The following SORCS3 variants were observed in gnomAD, a reference collection of about 807,000 sequenced individuals.
SORCS3 encodes the protein VPS10 domain-containing receptor SorCS3.
Under a neutral mutation model 146.3 loss-of-function variants are expected in SORCS3, and 57 were observed. That is an observed-to-expected ratio of 0.39 (90% CI 0.31 to 0.49). The LOEUF is 0.49. SORCS3 is among the 20% of genes least tolerant of loss of function. The probability of loss-of-function intolerance (pLI) is 0.92; values close to 1 mark genes in which losing one functional copy is unlikely to be tolerated. For synonymous variants in SORCS3, 653 were observed against 618.5 expected, an observed-to-expected ratio of 1.06 and a Z score of -0.83; for missense variants, 1,341 against 1,575.5, an observed-to-expected ratio of 0.85 and a Z score of 2.52.
intron 5 of SORCS3, among the ~76,000 whole-genome samples, chr10:105,053,959 C>T (rs1340886953): frequency 6.6e-6 from 1 of 151,990 alleles, no homozygotes; most frequent in African/African-American, 2.4e-5. Flanking sequence ...CACCTGTTTC[C>T]ACTACAACTA....
intron 1 of SORCS3, among the ~76,000 whole-genome samples, chr10:104,804,615 G>A (rs2017661728): frequency 2.0e-5 from 3 of 152,164 alleles, no homozygotes; most frequent in Admixed American, 2.0e-4. Flanking sequence ...CCATCAACCA[G>A]GGCATAGTGC....
intron 11 of SORCS3, among the ~76,000 whole-genome samples, chr10:105,163,523 G>A (rs2056284472): frequency 6.6e-6 from 1 of 152,288 alleles, no homozygotes; most frequent in South Asian, 2.1e-4. Flanking sequence ...CTTTTAGGCT[G>A]TGAGAAGAGG....
intron 3 of SORCS3, among the ~76,000 whole-genome samples, chr10:104,969,885 TA>T (rs1247751069): frequency 1.3e-5 from 2 of 152,178 alleles, no homozygotes; most frequent in East Asian, 1.9e-4. Context: ...GAAACAGAGC[TA>T]GGGGAAGAAA....
At chr10:104,927,595 C>A (rs188135327) in intron 3 of SORCS3, among the ~76,000 whole-genome samples, 14 of 152,238 alleles carry the variant, frequency 9.2e-5, no homozygotes, top group Admixed American at 8.5e-4. Flanking sequence ...AAGAAGACAG[C>A]AAGCTGAGCA....
chr10:104,770,739 C>T (rs1028504047), intron 1 of SORCS3, among the ~76,000 whole-genome samples: 3 of 151,634 alleles, frequency 2.0e-5, no homozygotes, highest in African/African-American at 4.9e-5. Flanking sequence ...AAGCTGAGGC[C>T]GGTGGATGAT....
intron 24 of SORCS3, among the ~76,000 whole-genome samples, chr10:105,256,402 G>T (rs2056931453): frequency 6.6e-6 from 1 of 151,686 alleles, no homozygotes; most frequent in African/African-American, 2.4e-5. Flanking sequence ...CCATCCAGTG[G>T]GTTTTTATCA....
intron 1 of SORCS3, among the ~76,000 whole-genome samples, chr10:104,676,470 A>G (rs1195165643): frequency 6.6e-6 from 1 of 152,256 alleles, no homozygotes; most frequent in African/African-American, 2.4e-5. Flanking sequence ...TAACATGGGT[A>G]AGAACAAGAG....
chr10:104,748,007 T>C (rs1157739159), intron 1 of SORCS3, among the ~76,000 whole-genome samples: 1 of 152,260 alleles, frequency 6.6e-6, no homozygotes, highest in Non-Finnish European at 1.5e-5. Flanking sequence ...GAGGATTAAA[T>C]GAGTTAATGC....
chr10:104,786,587 A>G (rs1292011452), intron 1 of SORCS3, among the ~76,000 whole-genome samples: 1 of 149,694 alleles, frequency 6.7e-6, no homozygotes, highest in African/African-American at 2.5e-5. Flanking sequence ...AGTGATGATG[A>G]TGATAAAAGA....
rs553310723 is a variant in SORCS3, at chr10:104,833,796, A to T, written c.628-8996A>T. ...TCCCAAATTGATATTTGTAGCCTAA[A>T]CTCTCTTCTCTGAACCCCAGACTCA... On this transcript the variant is annotated intron_variant, in intron 1 of 26. Coordinates refer to ENST00000369701, the MANE Select transcript of SORCS3 (RefSeq NM_014978.3). 2.0e-5 allele frequency among the ~76,000 whole-genome samples: 3 copies of T among 152,100 alleles called. No individual in the cohort carries two copies. The South Asian group carries it at 6.2e-4, about 32-fold the overall frequency.
intron 5 of SORCS3, among the ~76,000 whole-genome samples, chr10:105,076,184 A>T (rs1007152940): frequency 6.6e-6 from 1 of 152,210 alleles, no homozygotes; most frequent in Admixed American, 6.5e-5. Flanking sequence ...GTTAACTATA[A>T]CTTGCCCAAG....
chr10:104,896,252 G>C (rs2018796510), intron 2 of SORCS3, among the ~76,000 whole-genome samples: 1 of 152,190 alleles, frequency 6.6e-6, no homozygotes, highest in Non-Finnish European at 1.5e-5. Flanking sequence ...GCAGGACACA[G>C]ACTTCCTCAC....
intron 1 of SORCS3, among the ~76,000 whole-genome samples, chr10:104,841,740 A>G (rs190340869): frequency 6.1e-4 from 93 of 152,346 alleles, no homozygotes; most frequent in African/African-American, 1.9e-3. Context: ...TATCTCGGAA[A>G]GAATTTAATG....
chr10:105,145,543 C>T (rs2056124779), intron 8 of SORCS3, among the ~76,000 whole-genome samples: 1 of 152,070 alleles, frequency 6.6e-6, no homozygotes, highest in Non-Finnish European at 1.5e-5. Context: ...ATGACCAAAA[C>T]ATCTGGGAAA....
chr10:105,102,154 T>C (rs1471641812), intron 6 of SORCS3, among the ~76,000 whole-genome samples: 1 of 152,200 alleles, frequency 6.6e-6, no homozygotes, highest in Non-Finnish European at 1.5e-5. Flanking sequence ...TAAGAAAGCC[T>C]GTCTCTTTCC....
intron 1 of SORCS3, among the ~76,000 whole-genome samples, chr10:104,717,300 T>TA (rs200835513): frequency 0.26 from 27,413 of 104,290 alleles, 2,894 homozygotes; most frequent in East Asian, 0.36. Context: ...AAAAAAAATG[T>TA]AAAAAAAAAA....
At chr10:104,842,028 A>G (rs1309434138) in intron 1 of SORCS3, among the ~76,000 whole-genome samples, 1 of 152,216 alleles carries the variant, frequency 6.6e-6, no homozygotes, top group Non-Finnish European at 1.5e-5. Flanking sequence ...GTCCCCAGCT[A>G]GAGAAAGCGC....
intron 1 of SORCS3, chr10:104,666,272 C>T (rs1241871430): frequency 6.6e-6 from 1 of 152,162 alleles, no homozygotes; most frequent in African/African-American, 2.4e-5. Context: ...ACAATCCCCC[C>T]TTTATGACAT....
At chr10:104,998,287 C>T (rs1325575999) in intron 4 of SORCS3, among the ~76,000 whole-genome samples, 2 of 152,044 alleles carry the variant, frequency 1.3e-5, no homozygotes, top group Non-Finnish European at 2.9e-5. Flanking sequence ...GGGTGGATGG[C>T]TTAACCTCTC....
Sources: allele counts gnomAD v4.1 joint callset (sites outside exome capture counted in the v4.1 genomes callset), GRCh38; gene constraint gnomAD v4.1.1; transcripts MANE v1.5; gene names NCBI Gene and HGNC (gene_info 2026-07-23, HGNC 2026-07-21).